The following ACACA variants were observed in gnomAD, a reference collection of about 807,000 sequenced individuals.
The protein encoded by ACACA is acetyl-CoA carboxylase 1.
Under a neutral mutation model 296.1 loss-of-function variants are expected in ACACA, and 103 were observed. That is an observed-to-expected ratio of 0.35 (90% CI 0.30 to 0.41). The LOEUF (loss-of-function observed/expected upper bound fraction) is 0.41, where lower values mean the gene tolerates loss of function less well. Among genes scored for constraint, ACACA ranks in the 10% least tolerant of loss-of-function variants. The pLI is 1.00. For synonymous variants in ACACA, 953 were observed against 1,038.6 expected, an observed-to-expected ratio of 0.92 and a Z score of 1.58; for missense variants, 1,554 against 2,989.7, an observed-to-expected ratio of 0.52 and a Z score of 11.20.
At chr17:37,251,962 G>T (rs1439081480) in intron 16 of ACACA, 43 bp downstream of exon 16, 1 of 1,549,060 alleles carries the variant, frequency 6.5e-7, no homozygotes, top group Non-Finnish European at 8.9e-7. Context: ...CTGTACTCAG[G>T]ACCATTGATT....
intron 10 of ACACA, among the ~76,000 whole-genome samples, chr17:37,266,205 G>A (rs2081762171): frequency 6.6e-6 from 1 of 152,062 alleles, no homozygotes; most frequent in Non-Finnish European, 1.5e-5. Flanking sequence ...TCTGATGTCA[G>A]GAGTTCGAGA....
chr17:37,146,364 G>T (rs556088153), intron 45 of ACACA, among the ~76,000 whole-genome samples: 28 of 151,590 alleles, frequency 1.8e-4, no homozygotes, highest in African/African-American at 6.3e-4. Context: ...GCTGCATTAT[G>T]GGAGTATGAT....
intron 30 of ACACA, among the ~76,000 whole-genome samples, chr17:37,209,017 T>C (rs2078635507): frequency 6.6e-6 from 1 of 152,240 alleles, no homozygotes; most frequent in Non-Finnish European, 1.5e-5. Flanking sequence ...CTTTGTAGGA[T>C]GGGAGTGCTG....
chr17:37,311,100 GT>G (rs2084116733), intron 3 of ACACA, among the ~76,000 whole-genome samples: 1 of 152,212 alleles, frequency 6.6e-6, no homozygotes, highest in African/African-American at 2.4e-5. Context: ...GTCATTAGTG[GT>G]TTTTACGAGA....
chr17:37,379,118 C>G (rs778029801), intron 1 of ACACA: 16 of 1,600,640 alleles, frequency 1.0e-5, no homozygotes, highest in African/African-American at 1.3e-5. Context: ...ATTTTTCTAT[C>G]TGGTTCTTCT....
rs1371842874 is a variant in ACACA, at chr17:37,200,130, T to G, written c.4158+9A>C. ...TAAGTAATCTTTCATTATTGTTCAT[T>G]TTACTTACATGAAATCTCCGATCCA... On this transcript the variant is annotated intron_variant, in intron 35 of 55. Transcript: ENST00000616317. The G allele has an allele frequency of 3.2e-6, 5 of 1,580,748 alleles. No homozygotes were observed. The highest frequency in any genetic ancestry group is 4.3e-6 in the Non-Finnish European group (5 of 1,149,862).
chr17:37,197,354 G>T (rs1468221841), intron 35 of ACACA, among the ~76,000 whole-genome samples: 1 of 152,170 alleles, frequency 6.6e-6, no homozygotes, highest in Non-Finnish European at 1.5e-5. Flanking sequence ...TAACCAATGT[G>T]CTTGAATCAA....
rs1361089423 is a variant in ACACA at position 37,260,284 on chromosome 17, ATATATATATATATTTTTTTTT to A, written c.1330-775_1330-755del. Among the ~76,000 whole-genome samples the A allele has an allele frequency of 3.2e-3, 137 of 43,440 alleles. 7 individuals carry two copies. The highest frequency in any genetic ancestry group is 0.017 in the African/African-American group (130 of 7,650). The allele number at this position is 43,440 out of a possible 152,430, so 28.5% of individuals were successfully genotyped here. A position where few individuals can be genotyped will look rare whatever the true frequency, so the allele number is the denominator to read the frequency against. ...TATATATATATATATATATATATAT[ATATATATATATATTTTTTTTT>A]TTTTTTTTTTTGGAGATGGAGTCTC... On this transcript the variant is annotated intron_variant, in intron 11 of 55. Coordinates refer to ENST00000616317, the MANE Select transcript of ACACA (RefSeq NM_198834.3).
intron 3 of ACACA, among the ~76,000 whole-genome samples, chr17:37,291,042 A>T (rs1283476673): frequency 1.4e-5 from 2 of 147,408 alleles, no homozygotes; most frequent in Non-Finnish European, 3.0e-5. Flanking sequence ...AGATCACGCC[A>T]CTACACTCCA....
intron 29 of ACACA, among the ~76,000 whole-genome samples, chr17:37,218,676 T>G (rs2079145461): frequency 6.6e-6 from 1 of 152,220 alleles, no homozygotes; most frequent in Non-Finnish European, 1.5e-5. Context: ...ATCATTAATC[T>G]AGAGGTTAGT....
chr17:37,130,190 T>C lies in ACACA; in HGVS notation c.5708A>G (p.Asn1903Ser), dbSNP rs150075920. 54 of 1,614,024 alleles carry C rather than the reference T, an allele frequency of 3.3e-5. No homozygotes were observed. The highest frequency in any genetic ancestry group is 2.9e-4 in the African/African-American group (22 of 74,904). Residue 1903 changes from asparagine (N) to serine (S), a missense_variant, in exon 46 of 56, where the codon AAT becomes AGT. Asn to Ser is a conservative substitution (Grantham distance 46). Around this residue, in one of 16 missense-constraint regions of ACACA, gnomAD observed 553 missense variants for 1,043.6 expected, o/e 0.53. Coordinates refer to ENST00000616317, the MANE Select transcript of ACACA (RefSeq NM_198834.3). ...AATCTGGATGCCCCCCAGCTGGTTATTGGAGGTGTACACTTCCCGCCCGAG... is the reference window on the plus strand; with the variant it reads ...AATCTGGATGCCCCCCAGCTGGTTACTGGAGGTGTACACTTCCCGCCCGAG... ...KVLGREVYTS[N>S]NQLGGIQIMH...
At chr17:37,349,087 G>A (rs1019628833) in intron 1 of ACACA, among the ~76,000 whole-genome samples, 4 of 151,054 alleles carry the variant, frequency 2.6e-5, no homozygotes, top group Non-Finnish European at 5.9e-5. Flanking sequence ...TTGAGATGGA[G>A]TCTCGCTCTG....
chr17:37,323,500 CAGG>C (rs1235800778), intron 3 of ACACA, among the ~76,000 whole-genome samples: 5 of 152,194 alleles, frequency 3.3e-5, no homozygotes, highest in African/African-American at 1.2e-4. Flanking sequence ...GAGGCTGAAG[CAGG>C]AGGATTGTTT....
intron 21 of ACACA, among the ~76,000 whole-genome samples, 186 bp from the exon 22 acceptor site, chr17:37,243,745 T>C (rs1010141874): frequency 9.2e-5 from 14 of 152,144 alleles, no homozygotes; most frequent in Admixed American, 8.5e-4. Context: ...CCATATCTCA[T>C]CAATACTGTA....
intron 14 of ACACA, among the ~76,000 whole-genome samples, chr17:37,254,283 C>CTAAA (rs2081126394): frequency 6.6e-6 from 1 of 152,122 alleles, no homozygotes; most frequent in African/African-American, 2.4e-5. Flanking sequence ...CTGACATGGG[C>CTAAA]TAAAGTATAG....
chr17:37,087,089 C>G lies in ACACA; in HGVS notation c.*227G>C. 1 of 634,082 alleles carries G rather than the reference C, an allele frequency of 1.6e-6. No individual in the cohort carries two copies. Among genetic ancestry groups the G allele is most frequent in the Non-Finnish European group, 2.8e-6 (1 of 357,510 alleles). 39.3% of individuals were successfully genotyped at this position (634,082 alleles called of 1,614,324 possible). ...CAGGGAGTGGAGGACTAGGCCTGGC[C>G]AGGGTAATAAATACTGAATGGGGTA... is the stretch of plus-strand genomic sequence containing the variant. On this transcript the variant is annotated 3_prime_UTR_variant, in exon 56 of 56. Transcript: ENST00000616317.
chr17:37,342,436 AATATAT>A (rs1295176626), intron 1 of ACACA, among the ~76,000 whole-genome samples: 229 of 58,200 alleles, frequency 3.9e-3, no homozygotes, highest in African/African-American at 6.2e-3. Flanking sequence ...AAAAAAAAAA[AATATAT>A]ATATATATAT....
rs555451802 is a variant in ACACA at position 37,396,651 on chromosome 17, T to C, written c.38+9611A>G. Among the ~76,000 whole-genome samples, 5 of 152,310 alleles carry C rather than the reference T, an allele frequency of 3.3e-5. No individual in the cohort carries two copies. In the South Asian group the frequency reaches 1.0e-3, roughly 32 times the overall value. On this transcript the variant is annotated intron_variant, in intron 1 of 55. Transcript: ENST00000616317. ...ATTCTGACCTAGAGCACTTTTCCTA[T>C]GTCTATGTCCATAACTAGCCATTTT...
rs1409236208 is a variant in ACACA, at chr17:37,205,843, G to C, written c.3978C>G (p.Leu1326=). The change falls in exon 33 of 56, where the codon CTC becomes CTG. Residue 1326 remains leucine (L), a synonymous_variant. Coordinates refer to ENST00000616317, the MANE Select transcript of ACACA (RefSeq NM_198834.3). ...KVPRDEPIHI[L]NVAIKTDCDI... ...CACAGTCAGTCTTGATAGCCACATT[G>C]AGAATGTGAATTGGTTCATCCCTGG... The C allele has an allele frequency of 6.2e-7, 1 of 1,613,346 alleles. No homozygotes were observed. The highest frequency in any genetic ancestry group is 2.2e-5 in the East Asian group (1 of 44,878).
Sources: allele counts gnomAD v4.1 joint callset (sites outside exome capture counted in the v4.1 genomes callset), GRCh38; gene constraint gnomAD v4.1.1; regional missense constraint gnomAD v4.1.1; transcripts MANE v1.5; gene names NCBI Gene and HGNC (gene_info 2026-07-23, HGNC 2026-07-21).